Variants in AP4B1 observed in about 807,000 individuals in gnomAD.
The protein encoded by AP4B1 is AP-4 complex subunit beta-1.
A neutral mutation model predicts 76.5 loss-of-function variants in AP4B1; 49 were observed. The ratio of observed to expected loss-of-function variants is 0.64; its 90% CI spans 0.51 to 0.81. The LOEUF is 0.81. Ranked by LOEUF, AP4B1 falls within the 40% of genes least tolerant of loss-of-function variation. The probability of loss-of-function intolerance (pLI) is 0.00; values close to 1 mark genes in which losing one functional copy is unlikely to be tolerated. For synonymous variants in AP4B1, 330 were observed against 333.3 expected (o/e 0.99, Z 0.11); for missense variants, 911 against 904.9 (o/e 1.01, Z -0.09).
In AP4B1 at chr1:113,894,949, G is replaced by A; in HGVS notation, c.*116C>T. 8.5e-7 allele frequency: 1 copy of A among 1,176,784 alleles called. No homozygotes were observed. Among genetic ancestry groups the A allele is most frequent in the East Asian group, 2.6e-5 (1 of 39,094 alleles). The allele number at this position is 1,176,784 out of a possible 1,614,324, so 72.9% of individuals were successfully genotyped here. On this transcript the variant is annotated 3_prime_UTR_variant, in exon 10 of 10. Transcript: ENST00000369569. ...AAAAACTTAAGAATCCTGATTTCTA[G>A]ATTTTCCACTCTCCTTTGTATCTGA...
Position 113,904,781 on chromosome 1 carries a change from C to A in AP4B1, c.-64G>T, listed in dbSNP as rs943945421. ...GGTAACTCGAGGGCTCCTTCTCGTC[C>A]TGATGTGGGAGCCTGAGTAAAGGAA... On this transcript the variant is annotated 5_prime_UTR_variant, in exon 1 of 10. The change creates a new upstream start codon in the 5' untranslated region. Transcript: ENST00000369569. 191 of 1,336,566 alleles carry A rather than the reference C, an allele frequency of 1.4e-4. No individual in the cohort carries two copies. The highest frequency in any genetic ancestry group is 1.3e-4 in the Admixed American group (8 of 59,618). 82.8% of individuals were successfully genotyped at this position (1,336,566 alleles called of 1,614,324 possible).
In AP4B1 at chr1:113,900,593, G is replaced by A. The variant is rs1261810505; in HGVS notation, c.618-193C>T. ...AAAAAGGCTTAAAATTCCAAGATGA[G>A]TTGTTAATACAAATGCACACTCCTC... On this transcript the variant is annotated intron_variant, in intron 4 of 9. Transcript: ENST00000369569. 6.0e-6 allele frequency: 4 copies of A among 666,884 alleles called. No individual in the cohort carries two copies. In the East Asian group the frequency reaches 8.4e-5, roughly 14 times the overall value. The allele number at this position is 666,884 out of a possible 1,614,324, so 41.3% of individuals were successfully genotyped here. A position where few individuals can be genotyped will look rare whatever the true frequency, so the allele number is the denominator to read the frequency against.
At chr1:113,898,526 A>C (rs1051482895) in intron 6 of AP4B1, among the ~76,000 whole-genome samples, 192 bp downstream of exon 6, 1 of 152,228 alleles carries the variant, frequency 6.6e-6, no homozygotes, top group African/African-American at 2.4e-5. Flanking sequence ...AGCCTTATAG[A>C]TCATGGCAGC....
chr1:113,896,130 G>C (rs1667434368), intron 8 of AP4B1, 92 bp from the exon 9 acceptor site: 1 of 1,600,480 alleles, frequency 6.2e-7, no homozygotes, highest in Admixed American at 1.7e-5. Flanking sequence ...AAATGAAGGA[G>C]AGAGGAAAAC....
At chr1:113,897,142 CA>C (rs5777170) in intron 7 of AP4B1, 130 of 115,032 alleles carry the variant, frequency 1.1e-3, no homozygotes, top group Middle Eastern at 4.3e-3. Context: ...GACTCTGTTT[CA>C]AAAAAAAAAA....
At position 113,898,755 on chromosome 1, in the gene AP4B1, T is replaced by C; in HGVS notation, c.1161A>G (p.Thr387=). The change falls in exon 6 of 10, where the codon ACA becomes ACG. Residue 387 remains threonine, a synonymous_variant. Coordinates refer to ENST00000369569, the MANE Select transcript of AP4B1 (RefSeq NM_001253852.3). The part of the protein sequence containing the change: ...TYTDQCVQIL[T]ELLGLRQEHI... ...GCTCTTGTCGAAGACCCAGCAACTC[T>C]GTTAAAATCTGAACACATTGATCTG... is the stretch of plus-strand genomic sequence containing the variant. 1.2e-6 allele frequency: 2 copies of C among 1,609,678 alleles called. No homozygotes were observed. The highest frequency in any genetic ancestry group is 1.1e-5 in the South Asian group (1 of 91,084).
intron 7 of AP4B1, chr1:113,897,391 GA>G (rs964518661): frequency 1.8e-4 from 39 of 214,864 alleles, no homozygotes; most frequent in Admixed American, 4.7e-4. Context: ...AGGAATTCTA[GA>G]CCAGCCTAGA....
intron 3 of AP4B1, 63 bp downstream of exon 3, chr1:113,901,692 A>T: frequency 6.2e-7 from 1 of 1,604,964 alleles, no homozygotes; most frequent in Non-Finnish European, 8.5e-7. Flanking sequence ...AAAGCCACAC[A>T]ATCTTTTTTA....
At chr1:113,904,978 G>A, upstream of AP4B1, 4 of 474,468 alleles carry the variant, frequency 8.4e-6, no homozygotes, top group South Asian at 4.1e-5. Context: ...CCCACAGATC[G>A]CTCCCGCTAC....
At position 113,901,736 on chromosome 1, in the gene AP4B1, T is replaced by G; in HGVS notation, c.469+19A>C. 6.2e-7 allele frequency: 1 copy of G among 1,614,200 alleles called. No individual in the cohort carries two copies. Among genetic ancestry groups the G allele is most frequent in the Non-Finnish European group, 8.5e-7 (1 of 1,180,020 alleles). On this transcript the variant is annotated intron_variant, in intron 3 of 9. Transcript: ENST00000369569. ...CATAATGGAGGCACATTGACCATGATGGATTACACTGAACTTACCTACTTC... is the reference window on the plus strand; with the variant it reads ...CATAATGGAGGCACATTGACCATGAGGGATTACACTGAACTTACCTACTTC...
At chr1:113,903,319 G>A (rs942996095) in intron 1 of AP4B1, among the ~76,000 whole-genome samples, 3 of 152,228 alleles carry the variant, frequency 2.0e-5, no homozygotes, top group Non-Finnish European at 4.4e-5. Flanking sequence ...ACCCGCCTTG[G>A]CCTCCCAAAG....
chr1:113,898,630 C>T lies in AP4B1; in HGVS notation c.1198+88G>A, dbSNP rs888332227. On this transcript the variant is annotated intron_variant, in intron 6 of 9. Transcript: ENST00000369569. ...AGGAAAAGTTCAAATCTCTATATTA[C>T]TCATTCAACAACAAACATGTTTTGA... 4 of 966,206 alleles carry T rather than the reference C, an allele frequency of 4.1e-6. No homozygotes were observed. In the African/African-American group the frequency reaches 6.4e-5, roughly 15 times the overall value. 59.9% of individuals were successfully genotyped at this position (966,206 alleles called of 1,614,324 possible).
chr1:113,905,014 G>C (rs960252580), upstream of AP4B1: 6 of 431,606 alleles, frequency 1.4e-5, no homozygotes, highest in Admixed American at 3.5e-5. Flanking sequence ...CGGATTTCCA[G>C]CGCCGCGTCC....
chr1:113,898,678 C>A (rs1368778417), intron 6 of AP4B1, 40 bp downstream of exon 6: 8 of 1,514,462 alleles, frequency 5.3e-6, no homozygotes, highest in Non-Finnish European at 7.3e-6. Context: ...GGCCAGGCAC[C>A]TGACAAAAAA....
In AP4B1 at chr1:113,904,767, G is replaced by GGCTC; in HGVS notation, c.-54_-51dup. On this transcript the variant is annotated 5_prime_UTR_variant, in exon 1 of 10. Coordinates refer to ENST00000369569, the MANE Select transcript of AP4B1 (RefSeq NM_001253852.3). ...CCCACAGCTCCCACGGTAACTCGAG[G>GGCTC]GCTCCTTCTCGTCCTGATGTGGGAG... The GGCTC allele has an allele frequency of 6.7e-7, 1 of 1,499,454 alleles. No individual in the cohort carries two copies. The highest frequency in any genetic ancestry group is 9.3e-7 in the Non-Finnish European group (1 of 1,077,428). 92.9% of individuals were successfully genotyped at this position (1,499,454 alleles called of 1,614,324 possible). A position where few individuals can be genotyped will look rare whatever the true frequency, so the allele number is the denominator to read the frequency against.
chr1:113,898,589 A>G (rs1175660636), intron 6 of AP4B1, 129 bp downstream of exon 6: 1 of 795,620 alleles, frequency 1.3e-6, no homozygotes, highest in Non-Finnish European at 2.2e-6. Flanking sequence ...CTCTAACAGC[A>G]ACAGATGATG....
chr1:113,896,018 C>G lies in AP4B1; in HGVS notation c.1531G>C (p.Val511Leu). ...YCIEEEKDMA[V>L]RDRGLFYYRL... ...TAATAGAAGAGACCTCGGTCCCGTACAGCCATATCTTTTTCTTCCTCTGAG... is the reference window on the plus strand; with the variant it reads ...TAATAGAAGAGACCTCGGTCCCGTAGAGCCATATCTTTTTCTTCCTCTGAG... The change falls in exon 9 of 10, where the codon GTA becomes CTA. Residue 511 changes from valine to leucine, a missense_variant. Transcript: ENST00000369569. 2 of 1,614,230 alleles carry G rather than the reference C, an allele frequency of 1.2e-6. No homozygotes were observed. Among genetic ancestry groups the G allele is most frequent in the Non-Finnish European group, 1.7e-6 (2 of 1,180,030 alleles).
At chr1:113,901,679 A>G in intron 3 of AP4B1, 76 bp downstream of exon 3, 2 of 1,587,602 alleles carry the variant, frequency 1.3e-6, no homozygotes, top group Non-Finnish European at 1.7e-6. Context: ...ATTATTTTCT[A>G]CCAAAGCCAC....
intron 1 of AP4B1, 95 bp from the exon 2 acceptor site, chr1:113,902,957 G>T: frequency 9.0e-7 from 1 of 1,105,746 alleles, no homozygotes; most frequent in South Asian, 1.3e-5. Flanking sequence ...TACCCAACTA[G>T]ATTGTGATCT....
Sources: gnomAD v4.1 joint callset for allele counts (sites outside exome capture counted in the v4.1 genomes callset) on GRCh38, gnomAD v4.1.1 for gene constraint, MANE v1.5 for transcripts, NCBI Gene and HGNC (gene_info 2026-07-23, HGNC 2026-07-21) for gene names.